The following TMEM178A variants were observed in gnomAD, a reference collection of about 807,000 sequenced individuals.
The protein encoded by TMEM178A is transmembrane protein 178A.
TMEM178A carries 12 observed loss-of-function variants against 29.1 expected under a neutral mutation model. The ratio of observed to expected loss-of-function variants is 0.41; its 90% CI spans 0.26 to 0.67. The LOEUF (loss-of-function observed/expected upper bound fraction) is 0.67, where lower values mean the gene tolerates loss of function less well. Among genes scored for constraint, TMEM178A ranks in the 30% least tolerant of loss-of-function variants. TMEM178A has a pLI of 0.29. For synonymous variants in TMEM178A, 210 were observed against 187.2 expected (o/e 1.12, Z -0.99); for missense variants, 366 against 419.1 (o/e 0.87, Z 1.11).
rs1672502493 is a variant in TMEM178A at position 39,715,616 on chromosome 2, C to T, written c.653-1394C>T. Among the ~76,000 whole-genome samples, 3 of 152,148 alleles carry T rather than the reference C, an allele frequency of 2.0e-5. No individual in the cohort carries two copies. In the South Asian group the frequency reaches 6.2e-4, roughly 32 times the overall value. ...TATCCTTTTTAGTAAAACAGAATCA[C>T]TTTAGAGTTTAAATGCAGAATTAAG... is the stretch of plus-strand genomic sequence containing the variant. On this transcript the variant is annotated intron_variant, in intron 3 of 3. Transcript: ENST00000281961.
Position 39,707,044 on chromosome 2 carries a change from A to G in TMEM178A, c.515-5A>G, listed in dbSNP as rs768139545. On this transcript the variant is annotated splice_region_variant and splice_polypyrimidine_tract_variant and intron_variant, in intron 2 of 3. Transcript: ENST00000281961. ...TGTGAATGTCTGTGTCTGTTTTGAGATTAGATTTAAGAAGAATCACTGCTG... is the reference window on the plus strand; with the variant it reads ...TGTGAATGTCTGTGTCTGTTTTGAGGTTAGATTTAAGAAGAATCACTGCTG... 9 of 1,597,566 alleles carry G rather than the reference A, an allele frequency of 5.6e-6. No homozygotes were observed. The highest frequency in any genetic ancestry group is 7.7e-6 in the Non-Finnish European group (9 of 1,174,236).
At chr2:39,681,036 C>T (rs1670849025) in intron 1 of TMEM178A, among the ~76,000 whole-genome samples, 1 of 152,006 alleles carries the variant, frequency 6.6e-6, no homozygotes, top group African/African-American at 2.4e-5. Flanking sequence ...TAGCTTGCCA[C>T]ATATTGCAAT....
At position 39,686,179 on chromosome 2, in the gene TMEM178A, G is replaced by A. The variant is rs370308569; in HGVS notation, c.401-17902G>A. ...GGTGCTCAGACTTTGGAAAATTCAC[G>A]TACTTCTGAGCCCTGCAGGGAAACA... On this transcript the variant is annotated intron_variant, in intron 1 of 3. Coordinates refer to ENST00000281961, the MANE Select transcript of TMEM178A (RefSeq NM_152390.3). Among the ~76,000 whole-genome samples the A allele has an allele frequency of 1.9e-4, 29 of 152,256 alleles. No homozygotes were observed. In the East Asian group the frequency reaches 4.4e-3, roughly 23 times the overall value.
intron 1 of TMEM178A, among the ~76,000 whole-genome samples, chr2:39,679,228 C>T (rs1418217941): frequency 6.6e-6 from 1 of 152,120 alleles, no homozygotes; most frequent in Non-Finnish European, 1.5e-5. Context: ...TTGAAATTTG[C>T]CTTAGATTGA....
upstream of TMEM178A, chr2:39,665,844 G>A (rs1222348087): frequency 4.6e-6 from 4 of 862,972 alleles, no homozygotes; most frequent in African/African-American, 3.7e-5. Context: ...CGCAGGGCGA[G>A]GAGGCCGTAG....
At chr2:39,733,082 T>C in the TMEM178A span, among the ~76,000 whole-genome samples, 1 of 152,150 alleles carries the variant, frequency 6.6e-6, no homozygotes, top group Non-Finnish European at 1.5e-5. Flanking sequence ...TTGCTGAGGG[T>C]AGCTATTCCA....
At chr2:39,724,638 G>A in the TMEM178A span, among the ~76,000 whole-genome samples, 1 of 152,116 alleles carries the variant, frequency 6.6e-6, no homozygotes, top group Non-Finnish European at 1.5e-5. Context: ...GAGACTGGTC[G>A]CTGTGCAGTG....
the TMEM178A span, among the ~76,000 whole-genome samples, chr2:39,728,375 G>A: frequency 2.4e-4 from 36 of 152,238 alleles, no homozygotes; most frequent in Middle Eastern, 3.4e-3. Flanking sequence ...AATGGTTTCC[G>A]AGTGTCCCTT....
rs1440446797 is a variant in TMEM178A, at chr2:39,717,302, C to T, written c.*51C>T. The T allele has an allele frequency of 9.5e-6, 15 of 1,578,504 alleles. 1 individual carries two copies. The South Asian group carries it at 1.0e-4, about 11-fold the overall frequency. ...TGCGAGCGACTCCTGAGGGGAACAG[C>T]GCGGAGTTCAGGAGTCCAAGCACAA... On this transcript the variant is annotated 3_prime_UTR_variant, in exon 4 of 4. Transcript: ENST00000281961.
At chr2:39,685,218 G>T (rs1444908256) in intron 1 of TMEM178A, among the ~76,000 whole-genome samples, 1 of 152,012 alleles carries the variant, frequency 6.6e-6, no homozygotes, top group Non-Finnish European at 1.5e-5. Flanking sequence ...CTTCAGTGAT[G>T]CCCCCTTACT....
intron 1 of TMEM178A, among the ~76,000 whole-genome samples, chr2:39,686,479 A>G (rs1385152838): frequency 2.0e-5 from 3 of 152,086 alleles, no homozygotes; most frequent in African/African-American, 7.2e-5. Context: ...TTATCAACAT[A>G]TTCCTTGTCA....
the TMEM178A span, among the ~76,000 whole-genome samples, chr2:39,734,455 T>C: frequency 2.0e-5 from 3 of 152,248 alleles, no homozygotes; most frequent in Non-Finnish European, 2.9e-5. Flanking sequence ...CCTGGTCTTA[T>C]TCTCCTATTC....
chr2:39,666,214 CG>C lies in TMEM178A; in HGVS notation c.242del (p.Gly81AlafsTer52). On this transcript the variant is annotated frameshift_variant, in exon 1 of 4. Coordinates refer to ENST00000281961, the MANE Select transcript of TMEM178A (RefSeq NM_152390.3). LOFTEE classifies it high-confidence loss of function. ...CGCTGGGGCGCCGGCTGCTCCCGGG[CG>C]GCCCGGGGCGCGCCGACCCCGAGTC... The part of the protein sequence containing the change: ...PPLGRRLLPG[G>X]PGRADPESWR... 1 of 1,349,350 alleles carries C rather than the reference CG, an allele frequency of 7.4e-7. No individual in the cohort carries two copies. Among genetic ancestry groups the C allele is most frequent in the Non-Finnish European group, 9.4e-7 (1 of 1,059,738 alleles). The allele number at this position is 1,349,350 out of a possible 1,614,324, so 83.6% of individuals were successfully genotyped here.
chr2:39,690,159 G>T (rs548768279), intron 1 of TMEM178A, among the ~76,000 whole-genome samples: 1 of 152,206 alleles, frequency 6.6e-6, no homozygotes, highest in Non-Finnish European at 1.5e-5. Context: ...AAACCATTGC[G>T]TAGATCTCAA....
intron 1 of TMEM178A, among the ~76,000 whole-genome samples, chr2:39,674,839 T>C (rs931431830): frequency 6.6e-6 from 1 of 152,182 alleles, no homozygotes; most frequent in Non-Finnish European, 1.5e-5. Flanking sequence ...TCTTTTTTTT[T>C]CTCAAGTTAC....
intron 3 of TMEM178A, among the ~76,000 whole-genome samples, chr2:39,716,170 C>T (rs563410689): frequency 6.6e-6 from 1 of 152,322 alleles, no homozygotes; most frequent in East Asian, 1.9e-4. Context: ...ACACTCTGAT[C>T]CTCTGCCTAT....
intron 1 of TMEM178A, among the ~76,000 whole-genome samples, chr2:39,688,718 A>G (rs1185071910): frequency 6.6e-6 from 1 of 152,244 alleles, no homozygotes; most frequent in Non-Finnish European, 1.5e-5. Context: ...AGTTGAAAAT[A>G]TTGTTCATAA....
rs578154734 is a variant in TMEM178A, at chr2:39,698,541, G to A, written c.401-5540G>A. Among the ~76,000 whole-genome samples, 3 of 152,286 alleles carry A rather than the reference G, an allele frequency of 2.0e-5. No homozygotes were observed. The South Asian group carries it at 6.2e-4, about 32-fold the overall frequency. On this transcript the variant is annotated intron_variant, in intron 1 of 3. Coordinates refer to ENST00000281961, the MANE Select transcript of TMEM178A (RefSeq NM_152390.3). ...TCATGGTGTACAACTCTTTTCAGAT[G>A]TTGCTGAATTCAGTTTGCTAATATT... is the stretch of plus-strand genomic sequence containing the variant.
At chr2:39,734,961 C>T in the TMEM178A span, among the ~76,000 whole-genome samples, 1 of 152,170 alleles carries the variant, frequency 6.6e-6, no homozygotes, top group African/African-American at 2.4e-5. Context: ...GGGCAAGCTA[C>T]CATTTTCTTT....
Sources: gnomAD v4.1 joint callset for allele counts (sites outside exome capture counted in the v4.1 genomes callset) on GRCh38, gnomAD v4.1.1 for gene constraint, MANE v1.5 for transcripts, NCBI Gene and HGNC (gene_info 2026-07-23, HGNC 2026-07-21) for gene names.